TCTN2: variants seen among roughly 807,000 people sequenced by gnomAD.
The protein encoded by TCTN2 is tectonic family member 2.
Under a neutral mutation model 83.4 loss-of-function variants are expected in TCTN2, and 66 were observed. The ratio of observed to expected loss-of-function variants is 0.79; its 90% CI spans 0.65 to 0.97. TCTN2 has a LOEUF of 0.97. Among genes scored for constraint, TCTN2 ranks in the 50% least tolerant of loss-of-function variants. The pLI is 0.00. For missense variants in TCTN2, 794 were observed against 858.1 expected (o/e 0.93, Z 0.93); for synonymous variants, 301 against 326.7 (o/e 0.92, Z 0.85).
intron 4 of TCTN2, among the ~76,000 whole-genome samples, chr12:123,677,636 T>C (rs1263024280): frequency 6.6e-6 from 1 of 152,062 alleles, no homozygotes; most frequent in African/African-American, 2.4e-5. Context: ...GCCCTGCCAA[T>C]GTTTACCTTT....
intron 15 of TCTN2, among the ~76,000 whole-genome samples, chr12:123,705,967 G>A (rs1043887430): frequency 1.3e-5 from 2 of 151,846 alleles, no homozygotes; most frequent in Admixed American, 1.3e-4. Flanking sequence ...TGTTGGTCAG[G>A]CTGGTCTTGA....
intron 4 of TCTN2, among the ~76,000 whole-genome samples, chr12:123,678,373 A>C (rs1209550111): frequency 6.6e-6 from 1 of 152,244 alleles, no homozygotes; most frequent in Non-Finnish European, 1.5e-5. Context: ...TGCCTGTTGC[A>C]ATGATATTAT....
At chr12:123,699,554 C>G (rs1956147903) in intron 13 of TCTN2, 150 bp from the exon 14 acceptor site, 4 of 710,716 alleles carry the variant, frequency 5.6e-6, no homozygotes, top group Non-Finnish European at 1.0e-5. Flanking sequence ...CACACCTAGT[C>G]CATGGGTGAC....
At chr12:123,696,186 T>C (rs1055874067) in intron 11 of TCTN2, 3 of 513,736 alleles carry the variant, frequency 5.8e-6, no homozygotes, top group South Asian at 4.3e-5. Context: ...TTTTTTTTTT[T>C]ACATAGTCTG....
At chr12:123,699,901 A>G in intron 14 of TCTN2, 91 bp downstream of exon 14, 1 of 1,006,630 alleles carries the variant, frequency 9.9e-7, no homozygotes, top group South Asian at 1.3e-5. Flanking sequence ...CCAGTAGGTC[A>G]TCTTCCTGAG....
chr12:123,682,191 A>C (rs1479551690), intron 5 of TCTN2, among the ~76,000 whole-genome samples: 1 of 152,022 alleles, frequency 6.6e-6, no homozygotes, highest in South Asian at 2.1e-4. Flanking sequence ...AGGCTGGTCT[A>C]CAATTCCTGG....
intron 2 of TCTN2, among the ~76,000 whole-genome samples, 196 bp downstream of exon 2, chr12:123,671,810 G>A (rs1251407651): frequency 1.3e-5 from 2 of 152,188 alleles, no homozygotes; most frequent in South Asian, 4.1e-4. Flanking sequence ...AAATAATAAT[G>A]GTTAGCATTC....
chr12:123,673,044 G>A (rs1449170678), intron 3 of TCTN2, among the ~76,000 whole-genome samples: 2 of 151,714 alleles, frequency 1.3e-5, no homozygotes, highest in African/African-American at 2.4e-5. Context: ...GCGAGACTCC[G>A]TCTCAAAAAA....
In TCTN2 at chr12:123,682,512, G is replaced by A. The variant is rs375789300; in HGVS notation, c.564+3223G>A. 1.2e-4 allele frequency among the ~76,000 whole-genome samples: 18 copies of A among 151,152 alleles called. No individual in the cohort carries two copies. In the East Asian group the frequency reaches 2.3e-3, roughly 20 times the overall value. On this transcript the variant is annotated intron_variant, in intron 5 of 17. Coordinates refer to ENST00000303372, the MANE Select transcript of TCTN2 (RefSeq NM_024809.5). ...TATTTATTTTTTGAGATGGAGTTTC[G>A]CTCTTGTTGCCTAGGCTGGAGGGCA...
At position 123,696,502 on chromosome 12, in the gene TCTN2, C is replaced by T. The variant is rs7298440; in HGVS notation, c.1393+7C>T. Reference sequence around the variant, plus strand: ...TTACATCTTTGGCAATCGGGTAATCCGGTTTGGTCATTATGATTAGCCCTT... The same window carrying T: ...TTACATCTTTGGCAATCGGGTAATCTGGTTTGGTCATTATGATTAGCCCTT... On this transcript the variant is annotated splice_region_variant and intron_variant, in intron 12 of 17. Transcript: ENST00000303372. 590,698 of 1,610,082 alleles carry T rather than the reference C, an allele frequency of 0.37. 113,051 individuals are homozygous for T. The highest frequency in any genetic ancestry group is 0.42 in the African/African-American group (31,232 of 74,846).
intron 2 of TCTN2, among the ~76,000 whole-genome samples, chr12:123,671,837 G>C (rs1219085054): frequency 1.3e-5 from 2 of 152,204 alleles, no homozygotes; most frequent in Admixed American, 1.3e-4. Context: ...CTAACATCGT[G>C]CATCATCCCA....
intron 5 of TCTN2, among the ~76,000 whole-genome samples, chr12:123,680,360 A>AAG (rs1391595770): frequency 6.6e-6 from 1 of 151,378 alleles, no homozygotes; most frequent in Non-Finnish European, 1.5e-5. Flanking sequence ...TTCAAAAAAA[A>AAG]AAAAAAAATC....
At chr12:123,693,246 G>T (rs1382846213) in intron 9 of TCTN2, among the ~76,000 whole-genome samples, 7 of 151,312 alleles carry the variant, frequency 4.6e-5, no homozygotes, top group Admixed American at 6.6e-5. Flanking sequence ...GGCTGGTCTC[G>T]AACTCCCGAC....
intron 5 of TCTN2, among the ~76,000 whole-genome samples, 181 bp from the exon 6 acceptor site, chr12:123,686,655 G>T (rs547292718): frequency 6.6e-6 from 1 of 152,166 alleles, no homozygotes; most frequent in Non-Finnish European, 1.5e-5. Flanking sequence ...ATTGACAAAA[G>T]AAATTCCAGA....
chr12:123,687,115 G>T, intron 6 of TCTN2, 80 bp downstream of exon 6: 1 of 1,543,730 alleles, frequency 6.5e-7, no homozygotes. Context: ...GCCCTGCAAC[G>T]CGGTCACGTT....
chr12:123,682,573 C>A (rs933129515), intron 5 of TCTN2, among the ~76,000 whole-genome samples: 6 of 151,476 alleles, frequency 4.0e-5, no homozygotes, highest in Admixed American at 2.0e-4. Flanking sequence ...CCTCCGCCTC[C>A]CAGGTTCAAG....
chr12:123,692,046 C>G (rs1956049472), intron 8 of TCTN2, among the ~76,000 whole-genome samples: 1 of 152,174 alleles, frequency 6.6e-6, no homozygotes, highest in African/African-American at 2.4e-5. Context: ...AGGCACCCAC[C>G]ACCACGCCCT....
In TCTN2 at chr12:123,696,900, G is replaced by T. The variant is rs181761933; in HGVS notation, c.1394-187G>T. The T allele has an allele frequency of 3.2e-4, 190 of 594,276 alleles. 1 individual carries two copies. Among genetic ancestry groups the T allele is most frequent in the Admixed American group, 1.1e-3 (39 of 35,682 alleles). 36.8% of individuals were successfully genotyped at this position (594,276 alleles called of 1,614,324 possible). On this transcript the variant is annotated intron_variant, in intron 12 of 17. Coordinates refer to ENST00000303372, the MANE Select transcript of TCTN2 (RefSeq NM_024809.5). ...CACTTCTGAAGAAACCACCGCTCAG[G>T]ATCTGAGAAGTCTGATAAAGGCACC...
intron 14 of TCTN2, among the ~76,000 whole-genome samples, chr12:123,702,262 T>C (rs1956181201): frequency 6.6e-6 from 1 of 152,224 alleles, no homozygotes. Context: ...CAGATGCTGC[T>C]CTGCCCCTCT....
Sources: gnomAD v4.1 joint callset for allele counts (sites outside exome capture counted in the v4.1 genomes callset) on GRCh38, gnomAD v4.1.1 for gene constraint, MANE v1.5 for transcripts, NCBI Gene and HGNC (gene_info 2026-07-23, HGNC 2026-07-21) for gene names.